The following ALS2 variants were observed in gnomAD, a reference collection of about 807,000 sequenced individuals.
The protein encoded by ALS2 is alsin Rho guanine nucleotide exchange factor ALS2.
In ALS2, 117 loss-of-function variants were observed where a neutral mutation model predicts 203.4. The observed-to-expected ratio is 0.58, with a 90% CI of 0.50 to 0.67. The LOEUF (loss-of-function observed/expected upper bound fraction) is 0.67. Ranked by LOEUF, ALS2 falls within the 30% of genes least tolerant of loss-of-function variation. The probability of loss-of-function intolerance (pLI) is 0.00; values close to 1 mark genes in which losing one functional copy is unlikely to be tolerated. For missense variants in ALS2, 1,715 were observed against 1,989.4 expected (o/e 0.86, Z 2.62); for synonymous variants, 718 against 725.9 (o/e 0.99, Z 0.17).
intron 1 of ALS2, among the ~76,000 whole-genome samples, chr2:201,777,962 G>T (rs1342280840): frequency 6.6e-6 from 1 of 152,098 alleles, no homozygotes; most frequent in Non-Finnish European, 1.5e-5. Context: ...AATCTTTACA[G>T]TTGGATTGCT....
At position 201,733,288 on chromosome 2, in the gene ALS2, A is replaced by T; in HGVS notation, c.2568T>A (p.Thr856=). The change falls in exon 13 of 34, where the codon ACT becomes ACA. Residue 856 remains threonine (T), a synonymous_variant. Coordinates refer to ENST00000264276, the MANE Select transcript of ALS2 (RefSeq NM_020919.4). ...CATGGGAGCTTACCACTTCAAAACA[A>T]GTAGCAAGCTTTAGCAAAACTTTTG... ...NYAKVLLKLA[T]CFEVASPEYQ... The T allele has an allele frequency of 6.2e-7, 1 of 1,613,836 alleles. No homozygotes were observed. The highest frequency in any genetic ancestry group is 8.5e-7 in the Non-Finnish European group (1 of 1,179,864).
intron 14 of ALS2, among the ~76,000 whole-genome samples, 153 bp downstream of exon 14, chr2:201,728,899 G>A (rs1322451685): frequency 6.6e-6 from 1 of 152,194 alleles, no homozygotes; most frequent in Non-Finnish European, 1.5e-5. Context: ...AAGGTATTTA[G>A]AGTACCCATT....
chr2:201,714,148 C>G (rs753386698), intron 25 of ALS2, among the ~76,000 whole-genome samples: 1 of 152,138 alleles, frequency 6.6e-6, no homozygotes, highest in Non-Finnish European at 1.5e-5. Flanking sequence ...TAAAAAAGAA[C>G]CTGCTTATAA....
chr2:201,733,491 G>A, intron 12 of ALS2, 53 bp from the exon 13 acceptor site: 4 of 1,511,838 alleles, frequency 2.6e-6, no homozygotes, highest in East Asian at 2.3e-5. Context: ...TTGGTAATAT[G>A]TACATTAAAT....
Position 201,723,345 on chromosome 2 carries a change from G to A in ALS2, c.3609C>T (p.His1203=). The A allele has an allele frequency of 1.2e-6, 2 of 1,611,296 alleles. No homozygotes were observed. The highest frequency in any genetic ancestry group is 1.7e-6 in the Non-Finnish European group (2 of 1,177,494). ...TTCCACTCACCATCATTTTATTAAG[G>A]TGAAAGTTGCCCTCGTAGTATAATC... ...QFGLYYEGNF[H]LNKMMGNGVL... The change falls in exon 22 of 34, where the codon CAC becomes CAT. Residue 1203 remains histidine, a synonymous_variant. Coordinates refer to ENST00000264276, the MANE Select transcript of ALS2 (RefSeq NM_020919.4).
Position 201,715,671 on chromosome 2 carries a change from C to A in ALS2, c.4004+1G>T. On this transcript the variant is annotated splice_donor_variant, in intron 25 of 33. Transcript: ENST00000264276. LOFTEE classifies it high-confidence loss of function. ...TGTATGTTGAGCAGGTGTTCACTCA[C>A]CTGTCTCTGTGCTGGCGCCGACTGG... 2 of 1,614,216 alleles carry A rather than the reference C, an allele frequency of 1.2e-6. No individual in the cohort carries two copies. Among genetic ancestry groups the A allele is most frequent in the South Asian group, 1.1e-5 (1 of 91,084 alleles).
At chr2:201,756,380 G>A (rs1297280778) in intron 5 of ALS2, among the ~76,000 whole-genome samples, 1 of 151,906 alleles carries the variant, frequency 6.6e-6, no homozygotes, top group East Asian at 1.9e-4. Context: ...TGGTGGTAAT[G>A]AGAATTAAGA....
intron 7 of ALS2, among the ~76,000 whole-genome samples, chr2:201,750,570 C>T (rs1692969937): frequency 7.1e-6 from 1 of 140,926 alleles, no homozygotes; most frequent in Non-Finnish European, 1.6e-5. Flanking sequence ...ACACAAGTAC[C>T]TACACGACAC....
At chr2:201,713,133 C>CTTTTCTTTTTTT (rs1279654897) in intron 25 of ALS2, among the ~76,000 whole-genome samples, 1 of 96,270 alleles carries the variant, frequency 1.0e-5, no homozygotes, top group Non-Finnish European at 2.1e-5. Flanking sequence ...CTTTTCTTTT[C>CTTTTCTTTTTTT]TTTTTTTTTT....
chr2:201,769,063 A>C, intron 1 of ALS2, 118 bp from the exon 2 acceptor site: 1 of 547,226 alleles, frequency 1.8e-6, no homozygotes. Flanking sequence ...ATATGCAGTA[A>C]AACTATTTAA....
At chr2:201,746,020 G>A (rs912271583) in intron 9 of ALS2, among the ~76,000 whole-genome samples, 1 of 152,102 alleles carries the variant, frequency 6.6e-6, no homozygotes, top group African/African-American at 2.4e-5. Context: ...GAACACTGTT[G>A]GTTGTCTGTT....
At chr2:201,774,634 C>T (rs1189901927) in intron 1 of ALS2, among the ~76,000 whole-genome samples, 1 of 150,148 alleles carries the variant, frequency 6.7e-6, no homozygotes, top group Non-Finnish European at 1.5e-5. Context: ...CATCTCTACT[C>T]AACTATTTTC....
chr2:201,737,760 A>G (rs1691974776), intron 12 of ALS2, among the ~76,000 whole-genome samples: 1 of 152,106 alleles, frequency 6.6e-6, no homozygotes, highest in South Asian at 2.1e-4. Context: ...CATCTCTACT[A>G]AAAGTACAAA....
intron 12 of ALS2, among the ~76,000 whole-genome samples, chr2:201,737,020 A>C (rs1691912177): frequency 6.6e-6 from 1 of 152,164 alleles, no homozygotes; most frequent in Admixed American, 6.5e-5. Flanking sequence ...CATATAAACT[A>C]TGAACTTCCA....
chr2:201,704,552 C>T lies in ALS2; in HGVS notation c.4740G>A (p.Glu1580=). Residue 1580 remains glutamate, a synonymous_variant, in exon 32 of 34, where the codon GAG becomes GAA. Coordinates refer to ENST00000264276, the MANE Select transcript of ALS2 (RefSeq NM_020919.4). The part of the protein sequence containing the change: ...DKLKVIQQTF[E]EISQSVLASL... ...ACGCCAGGACACTCTGAGAGATCTC[C>T]TCAAAAGTCTGCTGGATGACCTTAA... is the stretch of plus-strand genomic sequence containing the variant. 6.2e-7 allele frequency: 1 copy of T among 1,614,104 alleles called. No homozygotes were observed. Among genetic ancestry groups the T allele is most frequent in the Non-Finnish European group, 8.5e-7 (1 of 1,179,992 alleles).
intron 4 of ALS2, among the ~76,000 whole-genome samples, chr2:201,758,981 A>G (rs1451775035): frequency 1.3e-5 from 2 of 152,164 alleles, no homozygotes; most frequent in Non-Finnish European, 2.9e-5. Context: ...AAGAAATACA[A>G]AGCCTATTAC....
Position 201,708,011 on chromosome 2 carries a change from A to G in ALS2, c.4281-20T>C, listed in dbSNP as rs371872969. ...AAGAACCTAAGGAAGAATAAAAAAT[A>G]TAATTATACAATTATACCTCTAGGG... On this transcript the variant is annotated intron_variant, in intron 27 of 33. Transcript: ENST00000264276. The G allele has an allele frequency of 1.5e-5, 24 of 1,605,680 alleles. No homozygotes were observed. The highest frequency in any genetic ancestry group is 1.9e-5 in the Non-Finnish European group (22 of 1,174,336).
chr2:201,745,062 A>T lies in ALS2; in HGVS notation c.1999-633T>A, dbSNP rs962011187. Among the ~76,000 whole-genome samples the T allele has an allele frequency of 2.0e-5, 3 of 152,236 alleles. No homozygotes were observed. The South Asian group carries it at 6.2e-4, about 32-fold the overall frequency. ...AAGCTACAGACCCAATGCACTATTA[A>T]CATCCCATGGTAACCAAAGACACAC... On this transcript the variant is annotated intron_variant, in intron 9 of 33. Transcript: ENST00000264276.
chr2:201,763,971 G>A (rs1204790982), intron 3 of ALS2, among the ~76,000 whole-genome samples: 1 of 151,918 alleles, frequency 6.6e-6, no homozygotes, highest in Non-Finnish European at 1.5e-5. Flanking sequence ...TTCTCATAAG[G>A]CAGCAATTGA....
Sources: allele counts gnomAD v4.1 joint callset (sites outside exome capture counted in the v4.1 genomes callset), GRCh38; gene constraint gnomAD v4.1.1; transcripts MANE v1.5; gene names NCBI Gene and HGNC (gene_info 2026-07-23, HGNC 2026-07-21).